Variants in MYO5A observed in about 807,000 individuals in gnomAD.
The protein encoded by MYO5A is myosin VA, also known as unconventional myosin-Va.
A neutral mutation model predicts 249.7 loss-of-function variants in MYO5A; 98 were observed. That is an observed-to-expected ratio of 0.39 (90% CI 0.33 to 0.46). MYO5A has a LOEUF of 0.46. MYO5A is among the 20% of genes least tolerant of loss of function. The pLI, the probability that MYO5A is intolerant of heterozygous loss-of-function variation, is 0.98. For missense variants in MYO5A, 1,696 were observed against 2,308.8 expected (o/e 0.73, Z 5.44); for synonymous variants, 778 against 810.6 (o/e 0.96, Z 0.68).
At chr15:52,400,275 A>G (rs550297358) in intron 9 of MYO5A, among the ~76,000 whole-genome samples, 32 of 152,132 alleles carry the variant, frequency 2.1e-4, no homozygotes, top group African/African-American at 7.7e-4. Context: ...CAAACATCCC[A>G]TTCCAATTTA....
intron 41 of MYO5A, 52 bp downstream of exon 41, chr15:52,314,071 T>A: frequency 6.9e-7 from 1 of 1,452,358 alleles, no homozygotes; most frequent in Non-Finnish European, 9.7e-7. Flanking sequence ...TTACAAAATG[T>A]CCATTCAAAA....
chr15:52,326,182 A>G (rs1227475793), intron 36 of MYO5A, among the ~76,000 whole-genome samples: 1 of 152,236 alleles, frequency 6.6e-6, no homozygotes, highest in Non-Finnish European at 1.5e-5. Flanking sequence ...AAATGGTATT[A>G]AAGAGTGTTG....
chr15:52,505,710 TA>T (rs1453712025), intron 1 of MYO5A: 2 of 1,366,194 alleles, frequency 1.5e-6, no homozygotes, highest in Non-Finnish European at 2.1e-6. Flanking sequence ...GGGACTCATC[TA>T]AACTAGTTCC....
At chr15:52,342,615 T>A (rs2039432071) in intron 31 of MYO5A, among the ~76,000 whole-genome samples, 1 of 152,140 alleles carries the variant, frequency 6.6e-6, no homozygotes, top group Admixed American at 6.5e-5. Context: ...TAGTGAAGGT[T>A]TTTAAAGAAG....
At chr15:52,380,263 C>T (rs930543176) in intron 16 of MYO5A, among the ~76,000 whole-genome samples, 4 of 152,128 alleles carry the variant, frequency 2.6e-5, no homozygotes, top group African/African-American at 9.7e-5. Context: ...TGGTGAAACC[C>T]CGTCTCTACT....
chr15:52,315,607 C>A (rs1030667353), intron 40 of MYO5A, among the ~76,000 whole-genome samples: 22 of 150,104 alleles, frequency 1.5e-4, no homozygotes, highest in Non-Finnish European at 7.4e-5. Context: ...CTCCTGACCT[C>A]AGGTGATCTG....
At chr15:52,512,478 T>C (rs73412975) in intron 1 of MYO5A, among the ~76,000 whole-genome samples, 9,824 of 151,948 alleles carry the variant, frequency 0.065, 960 homozygotes, top group African/African-American at 0.21. Flanking sequence ...ATATACTTCT[T>C]AGAGAAAATA....
At chr15:52,345,597 A>G (rs2039583456) in intron 30 of MYO5A, among the ~76,000 whole-genome samples, 2 of 151,262 alleles carry the variant, frequency 1.3e-5, no homozygotes, top group Non-Finnish European at 2.9e-5. Flanking sequence ...AAAAAAAAAA[A>G]AGAAAGATAA....
chr15:52,474,378 C>G (rs961609180), intron 1 of MYO5A, among the ~76,000 whole-genome samples: 11 of 152,246 alleles, frequency 7.2e-5, no homozygotes, highest in African/African-American at 2.2e-4. Flanking sequence ...AATACCCTTT[C>G]TTTCTTTCTC....
At chr15:52,402,643 G>A (rs6493557) in intron 9 of MYO5A, among the ~76,000 whole-genome samples, 103,203 of 151,836 alleles carry the variant, frequency 0.68, 36,587 homozygotes, top group Admixed American at 0.76. Flanking sequence ...TCAGGAGTTC[G>A]AGATCAGCCT....
At chr15:52,480,493 C>CT (rs1400141823) in intron 1 of MYO5A, among the ~76,000 whole-genome samples, 1 of 152,218 alleles carries the variant, frequency 6.6e-6, no homozygotes, top group Non-Finnish European at 1.5e-5. Flanking sequence ...CTGGCTCAGA[C>CT]CAGAGCCCAC....
chr15:52,356,715 G>A (rs11853452), intron 25 of MYO5A, among the ~76,000 whole-genome samples: 14,892 of 141,308 alleles, frequency 0.11, 855 homozygotes, highest in Middle Eastern at 0.17. Flanking sequence ...AGTAGTAACC[G>A]TTATAATTAA....
chr15:52,413,261 A>C (rs2043328147), intron 5 of MYO5A, among the ~76,000 whole-genome samples: 2 of 151,766 alleles, frequency 1.3e-5, no homozygotes, highest in Admixed American at 1.3e-4. Flanking sequence ...CCAGTAGTTC[A>C]TTTGAGATCA....
chr15:52,402,223 T>C (rs1323741090), intron 9 of MYO5A, among the ~76,000 whole-genome samples: 2 of 152,214 alleles, frequency 1.3e-5, no homozygotes, highest in East Asian at 3.8e-4. Flanking sequence ...GAAATCAGTC[T>C]GGGAATGAAT....
Position 52,337,889 on chromosome 15 carries a change from A to G in MYO5A, c.4240-5T>C. The G allele has an allele frequency of 6.5e-7, 1 of 1,530,490 alleles. No individual in the cohort carries two copies. Among genetic ancestry groups the G allele is most frequent in the Non-Finnish European group, 8.8e-7 (1 of 1,131,886 alleles). 94.8% of individuals were successfully genotyped at this position (1,530,490 alleles called of 1,614,324 possible). On this transcript the variant is annotated splice_polypyrimidine_tract_variant and splice_region_variant and intron_variant, in intron 32 of 41. Coordinates refer to ENST00000399233, the MANE Select transcript of MYO5A (RefSeq NM_001382347.1). Reference sequence around the variant, plus strand: ...TGCATATAATTCCTCAAAATACTGAAAAAACAGGCACAATGGATATTTGTT... The same window carrying G: ...TGCATATAATTCCTCAAAATACTGAGAAAACAGGCACAATGGATATTTGTT...
intron 5 of MYO5A, among the ~76,000 whole-genome samples, chr15:52,411,000 A>G (rs2043224434): frequency 6.6e-6 from 1 of 152,246 alleles, no homozygotes; most frequent in African/African-American, 2.4e-5. Flanking sequence ...TCTCACAAAA[A>G]TGATTTTCAG....
At chr15:52,479,344 TTACGTA>T (rs1369448207) in intron 1 of MYO5A, among the ~76,000 whole-genome samples, 5 of 152,348 alleles carry the variant, frequency 3.3e-5, no homozygotes, top group African/African-American at 1.2e-4. Flanking sequence ...AGACTAGTAT[TTACGTA>T]TACTTTATGT....
intron 4 of MYO5A, among the ~76,000 whole-genome samples, chr15:52,422,934 G>A (rs1024737786): frequency 5.9e-5 from 9 of 152,130 alleles, no homozygotes; most frequent in African/African-American, 1.9e-4. Flanking sequence ...GCCCAGGCTG[G>A]AGTGTGGTAG....
intron 1 of MYO5A, among the ~76,000 whole-genome samples, chr15:52,438,875 T>C (rs1255540059): frequency 6.6e-6 from 1 of 152,214 alleles, no homozygotes; most frequent in Admixed American, 6.5e-5. Context: ...CCACTGCTGT[T>C]TGCCACTGTT....
Sources: allele counts gnomAD v4.1 joint callset (sites outside exome capture counted in the v4.1 genomes callset), GRCh38; gene constraint gnomAD v4.1.1; transcripts MANE v1.5; gene names NCBI Gene and HGNC (gene_info 2026-07-23, HGNC 2026-07-21).